The following CYP4A11 variants were observed in gnomAD, a reference collection of about 807,000 sequenced individuals.
The protein encoded by CYP4A11 is cytochrome P450 4A11.
Under a neutral mutation model 57.7 loss-of-function variants are expected in CYP4A11, and 52 were observed. The ratio of observed to expected loss-of-function variants is 0.90; its 90% CI spans 0.72 to 1.14. The LOEUF is 1.14. Among genes scored for constraint, CYP4A11 ranks in the 50% most tolerant of loss-of-function variants. CYP4A11 has a pLI of 0.00. For synonymous variants in CYP4A11, 228 were observed against 247.1 expected (o/e 0.92, Z 0.72); for missense variants, 641 against 642.1 (o/e 1.00, Z 0.02).
At chr1:46,933,867 T>G in intron 9 of CYP4A11, 79 bp downstream of exon 9, 5 of 1,574,098 alleles carry the variant, frequency 3.2e-6, no homozygotes, top group Non-Finnish European at 4.3e-6. Context: ...ATGTGCAGAA[T>G]TCTGATGCAC....
chr1:46,933,130 G>T, intron 9 of CYP4A11, 83 bp from the exon 10 acceptor site: 2 of 1,574,628 alleles, frequency 1.3e-6, no homozygotes, highest in Non-Finnish European at 1.7e-6. Flanking sequence ...CACAAAAGAA[G>T]GCCCAAAAAG....
intron 1 of CYP4A11, 31 bp from the exon 2 acceptor site, chr1:46,938,168 TCATTTA>T (rs1187870159): frequency 1.2e-6 from 2 of 1,613,704 alleles, no homozygotes; most frequent in African/African-American, 2.7e-5. Flanking sequence ...ATGAACACTT[TCATTTA>T]CTTCTAGTCT....
chr1:46,938,300 C>T (rs966812065), intron 1 of CYP4A11, among the ~76,000 whole-genome samples, 163 bp from the exon 2 acceptor site: 1 of 152,236 alleles, frequency 6.6e-6, no homozygotes, highest in Non-Finnish European at 1.5e-5. Context: ...CTCCCCAGGA[C>T]TTGACCTTAG....
In CYP4A11 at chr1:46,938,090, T is replaced by C; in HGVS notation, c.243A>G (p.Thr81=). Residue 81 remains threonine (T), a synonymous_variant, in exon 2 of 12, where the codon ACA becomes ACG. Transcript: ENST00000310638. ...ELQRIQKWVE[T]FPSACPHWLW... ...GCCAATGAGGACAGGCACTTGGGAA[T>C]GTCTCCACCCATTTCTGAATCCGTT... 1.2e-6 allele frequency: 2 copies of C among 1,614,244 alleles called. No homozygotes were observed. The highest frequency in any genetic ancestry group is 1.7e-6 in the Non-Finnish European group (2 of 1,180,048).
rs144737664 is a variant in CYP4A11, at chr1:46,935,011, T to C, written c.779A>G (p.His260Arg). The C allele has an allele frequency of 1.9e-5, 31 of 1,613,936 alleles. No homozygotes were observed. The African/African-American group carries it at 3.7e-4, about 19-fold the overall frequency. ...RWTHRACQLA[H>R]QHTDQVIQLR... is the part of the protein sequence containing the mutation. ...GGAAAAGACAGAACCTGTGTGCTGA[T>C]GGGCCAGCTGGCAGGCGCGGTGTGT... Residue 260 changes from histidine to arginine, a missense_variant, in exon 6 of 12, where the codon CAT (histidine) becomes CGT (arginine). His to Arg is a conservative substitution (Grantham distance 29, BLOSUM62 0). Transcript: ENST00000310638.
intron 1 of CYP4A11, among the ~76,000 whole-genome samples, chr1:46,940,475 T>C (rs1570114556): frequency 6.6e-6 from 1 of 152,222 alleles, no homozygotes; most frequent in African/African-American, 2.4e-5. Context: ...GGGGATGACA[T>C]GCTCACCGCC....
At chr1:46,933,587 C>T (rs928719403) in intron 9 of CYP4A11, among the ~76,000 whole-genome samples, 13 of 152,102 alleles carry the variant, frequency 8.5e-5, no homozygotes, top group Non-Finnish European at 1.5e-5. Context: ...AACAGCTGAC[C>T]CAGGAAATGA....
chr1:46,941,177 A>T lies in CYP4A11; in HGVS notation c.195+62T>A, dbSNP rs1681726925. The T allele has an allele frequency of 5.1e-6, 8 of 1,557,374 alleles. 1 individual carries two copies. In the South Asian group the frequency reaches 8.6e-5, roughly 17 times the overall value. On this transcript the variant is annotated intron_variant, in intron 1 of 11. Transcript: ENST00000310638. ...AAGGCTTTGCTCTATGGATTTTGTG[A>T]CCAGGGTCTCAGAGCCCCATCCCTC...
intron 1 of CYP4A11, chr1:46,940,608 G>A (rs1681692556): frequency 1.1e-6 from 1 of 936,590 alleles, no homozygotes; most frequent in South Asian, 4.9e-5. Context: ...CCCCTCATGT[G>A]TACCCATAAT....
rs764295517 is a variant in CYP4A11, at chr1:46,935,042, GGCCA to G, written c.744_747del (p.Gly249AlafsTer17). On this transcript the variant is annotated frameshift_variant, in exon 6 of 12. Transcript: ENST00000310638. LOFTEE classifies it high-confidence loss of function. ...AGCTGGCAGGCGCGGTGTGTCCAGC[GGCCA>G]GCAGAGGTCAGGCTGTAGATGGTGT... 6.2e-7 allele frequency: 1 copy of G among 1,614,138 alleles called. No individual in the cohort carries two copies. Among genetic ancestry groups the G allele is most frequent in the Non-Finnish European group, 8.5e-7 (1 of 1,180,022 alleles).
rs2148448255 is a variant in CYP4A11, at chr1:46,929,811, G to C, written c.*304C>G. ...AGCTTGGTGTTCCAAAGGCCACAAG[G>C]GGTTTTAGACCCTGGATCCTGGACA... On this transcript the variant is annotated 3_prime_UTR_variant, in exon 12 of 12. Transcript: ENST00000310638. The C allele has an allele frequency of 7.7e-6, 2 of 259,784 alleles. No homozygotes were observed. The highest frequency in any genetic ancestry group is 1.4e-4 in the East Asian group (2 of 14,038). The allele number at this position is 259,784 out of a possible 1,614,324, so 16.1% of individuals were successfully genotyped here. A position where few individuals can be genotyped will look rare whatever the true frequency, so the allele number is the denominator to read the frequency against.
At chr1:46,940,347 C>G (rs1339621991) in intron 1 of CYP4A11, among the ~76,000 whole-genome samples, 1 of 152,214 alleles carries the variant, frequency 6.6e-6, no homozygotes, top group Non-Finnish European at 1.5e-5. Flanking sequence ...GGGCCACATT[C>G]AAAGCCATCC....
intron 4 of CYP4A11, 52 bp from the exon 5 acceptor site, chr1:46,935,699 A>C (rs1221954736): frequency 6.9e-6 from 11 of 1,583,514 alleles, no homozygotes; most frequent in Non-Finnish European, 8.6e-6. Context: ...GTGCTTTGCT[A>C]ATAAGGCCTG....
At chr1:46,936,099 T>C (rs1408756369) in intron 4 of CYP4A11, among the ~76,000 whole-genome samples, 2 of 152,222 alleles carry the variant, frequency 1.3e-5, no homozygotes, top group African/African-American at 4.8e-5. Flanking sequence ...AACAGGGACT[T>C]CAATTCTTTT....
rs757911446 is a variant in CYP4A11 at position 46,941,371 on chromosome 1, C to T, written c.63G>A (p.Ala21=). The part of the protein sequence containing the change: ...LLGDVSGILQ[A]ASLLILLLLL... Reference sequence around the variant, plus strand: ...GCAGAAGCAGAATGAGCAGGGAGGCCGCTTGGAGGATTCCAGAGACATCAC... The same window carrying T: ...GCAGAAGCAGAATGAGCAGGGAGGCTGCTTGGAGGATTCCAGAGACATCAC... Residue 21 remains alanine, a synonymous_variant, in exon 1 of 12, where the codon GCG becomes GCA. Coordinates refer to ENST00000310638, the MANE Select transcript of CYP4A11 (RefSeq NM_000778.4). 3.4e-5 allele frequency: 55 copies of T among 1,614,012 alleles called. No individual in the cohort carries two copies. The highest frequency in any genetic ancestry group is 5.0e-5 in the Admixed American group (3 of 60,002).
intron 11 of CYP4A11, chr1:46,931,755 G>T: frequency 1.5e-6 from 1 of 669,212 alleles, no homozygotes; most frequent in Non-Finnish European, 1.8e-6. Context: ...TGTGTAAGTG[G>T]ACTCACCGTT....
intron 11 of CYP4A11, chr1:46,932,145 A>G: frequency 1.0e-6 from 1 of 983,576 alleles, no homozygotes; most frequent in Non-Finnish European, 1.2e-6. Context: ...TATATAATGC[A>G]GTAAAAATTT....
At chr1:46,933,145 C>A in intron 9 of CYP4A11, 98 bp from the exon 10 acceptor site, 1 of 1,544,996 alleles carries the variant, frequency 6.5e-7, no homozygotes, top group South Asian at 1.2e-5. Flanking sequence ...AAAAAGCCTA[C>A]TTTCCACAAA....
chr1:46,932,173 G>A lies in CYP4A11; in HGVS notation c.1364+588C>T, dbSNP rs988607919. 4.0e-6 allele frequency: 4 copies of A among 988,460 alleles called. No individual in the cohort carries two copies. The African/African-American group carries it at 5.2e-5, about 13-fold the overall frequency. The allele number at this position is 988,460 out of a possible 1,614,324, so 61.2% of individuals were successfully genotyped here. On this transcript the variant is annotated intron_variant, in intron 11 of 11. Transcript: ENST00000310638. The stretch of plus-strand genomic sequence containing the variant: ...AAAAATTTCATTGGGCAAGACAGAA[G>A]AATGTATGATATGACACACACTGTT...
Sources: allele counts gnomAD v4.1 joint callset (sites outside exome capture counted in the v4.1 genomes callset), GRCh38; gene constraint gnomAD v4.1.1; transcripts MANE v1.5; gene names NCBI Gene and HGNC (gene_info 2026-07-23, HGNC 2026-07-21).